Variants in SEMA3A observed in about 807,000 individuals in gnomAD.
The protein encoded by SEMA3A is semaphorin 3A.
SEMA3A carries 29 observed loss-of-function variants against 97.9 expected under a neutral mutation model. That is an observed-to-expected ratio of 0.30 (90% CI 0.22 to 0.40). The LOEUF (loss-of-function observed/expected upper bound fraction) is 0.40. Among genes scored for constraint, SEMA3A ranks in the 10% least tolerant of loss-of-function variants. The pLI is 1.00. For missense variants in SEMA3A, 763 were observed against 951.3 expected (o/e 0.80, Z 2.60); for synonymous variants, 321 against 323.7 (o/e 0.99, Z 0.09).
At chr7:84,436,474 C>T (rs1232083891) in intron 1 of SEMA3A, among the ~76,000 whole-genome samples, 5 of 152,052 alleles carry the variant, frequency 3.3e-5, no homozygotes, top group Non-Finnish European at 7.4e-5. Context: ...GGAACTTAAG[C>T]AATTCAATAA....
chr7:84,392,654 T>C (rs2116180287), intron 1 of SEMA3A, among the ~76,000 whole-genome samples: 2 of 152,272 alleles, frequency 1.3e-5, no homozygotes, highest in East Asian at 1.9e-4. Context: ...TCCATAATGC[T>C]TTTCCTAATT....
At chr7:84,038,331 T>G (rs1792015783) in intron 6 of SEMA3A, among the ~76,000 whole-genome samples, 1 of 152,168 alleles carries the variant, frequency 6.6e-6, no homozygotes, top group African/African-American at 2.4e-5. Context: ...TACTACATTT[T>G]TAGCAACTCA....
intron 5 of SEMA3A, among the ~76,000 whole-genome samples, chr7:84,056,622 AAC>A (rs372931551): frequency 1.6e-4 from 24 of 150,464 alleles, no homozygotes; most frequent in Middle Eastern, 3.5e-3. Context: ...CACACACAGA[AAC>A]ACACACACAC....
chr7:84,109,899 T>C (rs1021242115), intron 4 of SEMA3A, among the ~76,000 whole-genome samples: 2 of 152,314 alleles, frequency 1.3e-5, no homozygotes, highest in Middle Eastern at 3.4e-3. Context: ...ATTTCCTCAC[T>C]AAAACATCTT....
intron 1 of SEMA3A, among the ~76,000 whole-genome samples, chr7:84,424,380 CAAT>C (rs965364701): frequency 1.9e-4 from 24 of 128,560 alleles, no homozygotes; most frequent in Non-Finnish European, 3.7e-4. Context: ...ATATAATATA[CAAT>C]AATATAATAC....
intron 4 of SEMA3A, among the ~76,000 whole-genome samples, chr7:84,074,773 CTAAT>C (rs1793876513): frequency 6.6e-6 from 1 of 151,848 alleles, no homozygotes; most frequent in African/African-American, 2.4e-5. Flanking sequence ...TTTTGAATCA[CTAAT>C]TATTGTTATT....
intron 6 of SEMA3A, among the ~76,000 whole-genome samples, chr7:84,044,025 T>C (rs374075602): frequency 3.3e-5 from 5 of 152,170 alleles, no homozygotes; most frequent in South Asian, 2.1e-4. Flanking sequence ...CATCTTCTAA[T>C]GAGATTTTGT....
chr7:84,128,989 T>C (rs547395753), intron 3 of SEMA3A, 134 bp downstream of exon 3: 8 of 651,380 alleles, frequency 1.2e-5, no homozygotes, highest in Non-Finnish European at 1.9e-5. Context: ...AAAGATATCT[T>C]ATTATATATA....
chr7:84,064,249 T>A (rs901417232), intron 4 of SEMA3A, among the ~76,000 whole-genome samples: 7 of 151,992 alleles, frequency 4.6e-5, no homozygotes, highest in African/African-American at 1.7e-4. Context: ...AGGCCTGCCC[T>A]AAAAGAGCTC....
intron 2 of SEMA3A, among the ~76,000 whole-genome samples, chr7:84,361,045 T>C (rs998772767): frequency 6.6e-6 from 1 of 152,126 alleles, no homozygotes; most frequent in Non-Finnish European, 1.5e-5. Flanking sequence ...AATTTTCCAT[T>C]TTTTTCTGTT....
chr7:84,256,009 G>T (rs1799713339), intron 3 of SEMA3A, among the ~76,000 whole-genome samples: 1 of 151,952 alleles, frequency 6.6e-6, no homozygotes, highest in African/African-American at 2.4e-5. Context: ...GGAGTTTTCT[G>T]AAGACGATGT....
At chr7:84,326,901 A>G (rs1162343614) in intron 2 of SEMA3A, among the ~76,000 whole-genome samples, 2 of 152,080 alleles carry the variant, frequency 1.3e-5, no homozygotes, top group African/African-American at 4.8e-5. Context: ...CATCATGAAC[A>G]TAGGCATGAG....
intron 2 of SEMA3A, among the ~76,000 whole-genome samples, chr7:84,365,370 C>T (rs772723457): frequency 6.6e-6 from 1 of 151,514 alleles, no homozygotes; most frequent in Non-Finnish European, 1.5e-5. Flanking sequence ...TTTGAGCTCT[C>T]TCTCTGCATT....
intron 5 of SEMA3A, among the ~76,000 whole-genome samples, chr7:84,055,753 C>T (rs890623690): frequency 4.6e-5 from 7 of 151,530 alleles, no homozygotes; most frequent in Non-Finnish European, 7.4e-5. Flanking sequence ...GATTCTTAAG[C>T]ATAGTGTTAA....
At chr7:84,413,542 C>A (rs987190812) in intron 1 of SEMA3A, among the ~76,000 whole-genome samples, 5 of 152,044 alleles carry the variant, frequency 3.3e-5, no homozygotes, top group African/African-American at 7.2e-5. Context: ...GTGGGAAGAC[C>A]ACCTGATTCT....
At chr7:84,255,997 C>T (rs923874066) in intron 3 of SEMA3A, among the ~76,000 whole-genome samples, 3 of 151,894 alleles carry the variant, frequency 2.0e-5, no homozygotes, top group African/African-American at 7.3e-5. Context: ...TAATTAGCAT[C>T]TGGAGTTTTC....
At chr7:83,992,254 C>T (rs534510861) in intron 12 of SEMA3A, among the ~76,000 whole-genome samples, 1 of 149,702 alleles carries the variant, frequency 6.7e-6, no homozygotes, top group African/African-American at 2.5e-5. Context: ...TTTTGTTGAT[C>T]CTTTCAAAAA....
chr7:84,034,118 G>A (rs1176249106), intron 6 of SEMA3A, among the ~76,000 whole-genome samples: 4 of 151,802 alleles, frequency 2.6e-5, no homozygotes, highest in African/African-American at 9.7e-5. Context: ...CAAGTAGCTG[G>A]GACCATAGGC....
chr7:84,021,622 C>CT (rs1791332632), intron 6 of SEMA3A, among the ~76,000 whole-genome samples: 1 of 152,226 alleles, frequency 6.6e-6, no homozygotes, highest in Non-Finnish European at 1.5e-5. Context: ...CTATAAAACT[C>CT]TATCTTAATC....
Sources: allele counts gnomAD v4.1 joint callset (sites outside exome capture counted in the v4.1 genomes callset), GRCh38; gene constraint gnomAD v4.1.1; transcripts MANE v1.5; gene names NCBI Gene and HGNC (gene_info 2026-07-23, HGNC 2026-07-21).